ESRRG: variants seen among roughly 807,000 people sequenced by gnomAD.
ESRRG encodes estrogen-related receptor gamma.
In ESRRG, 13 loss-of-function variants were observed where a neutral mutation model predicts 44.0. The ratio of observed to expected loss-of-function variants is 0.30; its 90% CI spans 0.19 to 0.47. The LOEUF (loss-of-function observed/expected upper bound fraction) is 0.47, where lower values mean the gene tolerates loss of function less well. Ranked by LOEUF, ESRRG falls within the 20% of genes least tolerant of loss-of-function variation. The pLI is 1.00. For synonymous variants in ESRRG, 215 were observed against 214.6 expected (o/e 1.00, Z -0.02); for missense variants, 395 against 580.6 (o/e 0.68, Z 3.29).
At chr1:216,954,956 G>A (rs949446186) in intron 1 of ESRRG, among the ~76,000 whole-genome samples, 8 of 151,984 alleles carry the variant, frequency 5.3e-5, no homozygotes, top group Admixed American at 1.3e-4. Context: ...GGTATAGAGT[G>A]GTATTTCGAT....
intron 1 of ESRRG, among the ~76,000 whole-genome samples, chr1:217,133,965 C>A (rs986761056): frequency 2.6e-4 from 40 of 152,082 alleles, no homozygotes; most frequent in Non-Finnish European, 1.6e-4. Flanking sequence ...TCGCATCTAC[C>A]CATATCCCCG....
intron 2 of ESRRG, among the ~76,000 whole-genome samples, chr1:216,915,268 G>T (rs1265574924): frequency 6.6e-6 from 1 of 152,178 alleles, no homozygotes; most frequent in Non-Finnish European, 1.5e-5. Flanking sequence ...ACATAAAGCA[G>T]CAAGGTCACC....
intron 4 of ESRRG, among the ~76,000 whole-genome samples, chr1:216,567,735 T>G (rs542995595): frequency 2.0e-5 from 3 of 152,326 alleles, no homozygotes; most frequent in South Asian, 4.1e-4. Context: ...AATATGCTTA[T>G]GCTTCCACAA....
chr1:217,039,708 T>A lies in ESRRG; in HGVS notation c.-106+49799A>T, dbSNP rs535517196. ...TTCATTCACTAAATCCATTATAAGT[T>A]TCCTTTAAAGCACTTAAATTAAGGC... On this transcript the variant is annotated intron_variant, in intron 1 of 7. Coordinates refer to the ESRRG transcript ENST00000359162. Among the ~76,000 whole-genome samples the A allele has an allele frequency of 1.3e-3, 194 of 152,304 alleles. 2 individuals are homozygous for A. The highest frequency in any genetic ancestry group is 4.6e-3 in the African/African-American group (190 of 41,554).
chr1:217,049,466 AG>A (rs5780957), intron 1 of ESRRG, among the ~76,000 whole-genome samples: 12,993 of 152,274 alleles, frequency 0.085, 1,454 homozygotes, highest in African/African-American at 0.26. Context: ...CATAACTAAA[AG>A]TAGTAAAGCT....
At chr1:216,674,427 T>C (rs1346635504) in intron 2 of ESRRG, among the ~76,000 whole-genome samples, 2 of 152,128 alleles carry the variant, frequency 1.3e-5, no homozygotes, top group African/African-American at 4.8e-5. Context: ...TCAATAAATA[T>C]AGCAACGATG....
chr1:216,509,204 T>C (rs941437443), intron 6 of ESRRG, among the ~76,000 whole-genome samples: 3 of 152,176 alleles, frequency 2.0e-5, no homozygotes, highest in Non-Finnish European at 4.4e-5. Context: ...GAACACTAAA[T>C]TTGCATTCCC....
chr1:217,053,739 A>G (rs2086568041), intron 1 of ESRRG, among the ~76,000 whole-genome samples: 1 of 152,140 alleles, frequency 6.6e-6, no homozygotes, highest in Non-Finnish European at 1.5e-5. Flanking sequence ...GATAGTGCAG[A>G]AGAAGAGTCC....
intron 2 of ESRRG, among the ~76,000 whole-genome samples, chr1:216,939,359 A>AAAAAAAAAAAAAAAAAAAC (rs1560188817): frequency 6.7e-6 from 1 of 149,248 alleles, no homozygotes; most frequent in African/African-American, 2.5e-5. Context: ...AAAAAAAAAA[A>AAAAAAAAAAAAAAAAAAAC]AAAAAAAAAA....
At chr1:216,662,632 G>C (rs1196932958) in intron 2 of ESRRG, among the ~76,000 whole-genome samples, 2 of 152,008 alleles carry the variant, frequency 1.3e-5, no homozygotes, top group African/African-American at 4.8e-5. Context: ...AGAGTGGGGG[G>C]GTTCCTGTTT....
chr1:216,956,491 C>T (rs1373438352), intron 1 of ESRRG, among the ~76,000 whole-genome samples: 5 of 152,174 alleles, frequency 3.3e-5, no homozygotes, highest in Admixed American at 2.6e-4. Context: ...CAGTACCATG[C>T]TGTTTTGATC....
intron 2 of ESRRG, among the ~76,000 whole-genome samples, chr1:216,746,253 A>ACTAT (rs2091382929): frequency 6.6e-6 from 1 of 152,228 alleles, no homozygotes; most frequent in Non-Finnish European, 1.5e-5. Flanking sequence ...TGACCCCAGG[A>ACTAT]CTATCTGCTG....
intron 3 of ESRRG, among the ~76,000 whole-genome samples, chr1:216,584,793 T>C (rs527505368): frequency 7.8e-4 from 119 of 152,290 alleles, no homozygotes; most frequent in African/African-American, 2.8e-3. Flanking sequence ...ATGGGGAAAA[T>C]AGAGCTCAGC....
At chr1:216,586,039 C>A (rs1381369537) in intron 3 of ESRRG, among the ~76,000 whole-genome samples, 1 of 132,718 alleles carries the variant, frequency 7.5e-6, no homozygotes, top group African/African-American at 2.9e-5. Context: ...TACTCCGTCT[C>A]AAAATAAATA....
At chr1:216,819,191 A>T (rs1264894985) in intron 2 of ESRRG, among the ~76,000 whole-genome samples, 1 of 152,252 alleles carries the variant, frequency 6.6e-6, no homozygotes, top group East Asian at 1.9e-4. Context: ...GAACTGGTTT[A>T]CACTCCCACC....
rs1050650558 is a variant in ESRRG, at chr1:216,580,584, G to A, written c.590-12486C>T. 1.2e-4 allele frequency among the ~76,000 whole-genome samples: 19 copies of A among 152,282 alleles called. 1 individual carries two copies. In the South Asian group the frequency reaches 3.5e-3, roughly 28 times the overall value. On this transcript the variant is annotated intron_variant, in intron 3 of 6. Transcript: ENST00000408911. The stretch of plus-strand genomic sequence containing the variant: ...AAAGATCATAGATTGCTATACTTGG[G>A]AAATTTGACAAATGAGGGAAACCAT...
At chr1:216,769,165 A>C (rs575423382) in intron 2 of ESRRG, among the ~76,000 whole-genome samples, 13 of 152,236 alleles carry the variant, frequency 8.5e-5, no homozygotes, top group Admixed American at 3.3e-4. Flanking sequence ...ATTTAGCAGG[A>C]GAATTGAGGA....
rs377398687 is a variant in ESRRG, at chr1:216,746,092, T to C, written c.-13-68601A>G. Among the ~76,000 whole-genome samples, 66 of 152,350 alleles carry C rather than the reference T, an allele frequency of 4.3e-4. 1 individual carries two copies. Among genetic ancestry groups the C allele is most frequent in the African/African-American group, 1.5e-3 (64 of 41,596 alleles). ...TAAAAATAATAACAGCCTTCTTTTA[T>C]TGTGCAATTATCTAACAATCTTAAT... On this transcript the variant is annotated intron_variant, in intron 2 of 7. Coordinates refer to the ESRRG transcript ENST00000359162.
At chr1:217,079,450 A>C (rs1260752125) in intron 1 of ESRRG, among the ~76,000 whole-genome samples, 1 of 152,192 alleles carries the variant, frequency 6.6e-6, no homozygotes, top group Non-Finnish European at 1.5e-5. Flanking sequence ...CAATTGGTGA[A>C]TTATCCAAGG....
Sources: allele counts gnomAD v4.1 joint callset (sites outside exome capture counted in the v4.1 genomes callset), GRCh38; gene constraint gnomAD v4.1.1; transcripts MANE v1.5; gene names NCBI Gene and HGNC (gene_info 2026-07-23, HGNC 2026-07-21).